The following HERC1 variants were observed in gnomAD, a reference collection of about 807,000 sequenced individuals.
HERC1 encodes the protein HECT and RLD domain containing E3 ubiquitin protein ligase family member 1.
Under a neutral mutation model 554.3 loss-of-function variants are expected in HERC1, and 160 were observed. The observed-to-expected ratio is 0.29, with a 90% CI of 0.25 to 0.33. The LOEUF (loss-of-function observed/expected upper bound fraction) is 0.33, where lower values mean the gene tolerates loss of function less well. Ranked by LOEUF, HERC1 falls within the 10% of genes least tolerant of loss-of-function variation. HERC1 has a pLI of 1.00. For synonymous variants in HERC1, 2,175 were observed against 2,131.7 expected (o/e 1.02, Z -0.56); for missense variants, 4,919 against 5,918.5 (o/e 0.83, Z 5.54).
chr15:63,830,158 C>A (rs1374639706), intron 1 of HERC1, among the ~76,000 whole-genome samples: 2 of 152,022 alleles, frequency 1.3e-5, no homozygotes, highest in African/African-American at 4.8e-5. Flanking sequence ...AAAGTGTCTC[C>A]CCCAAGATAT....
chr15:63,689,720 G>T lies in HERC1; in HGVS notation c.5938-21C>A, dbSNP rs1036332096. The T allele has an allele frequency of 1.1e-5, 16 of 1,398,668 alleles. No individual in the cohort carries two copies. The African/African-American group carries it at 1.5e-4, about 13-fold the overall frequency. 86.6% of individuals were successfully genotyped at this position (1,398,668 alleles called of 1,614,324 possible). On this transcript the variant is annotated intron_variant, in intron 32 of 77. Coordinates refer to ENST00000443617, the MANE Select transcript of HERC1 (RefSeq NM_003922.4). ...ACAATCTGTTTTATTGAAGAAAAAA[G>T]GATAAAATTTGTAAAAAGTAACTTT...
chr15:63,815,647 C>T (rs1203741760), intron 1 of HERC1, among the ~76,000 whole-genome samples: 1 of 152,168 alleles, frequency 6.6e-6, no homozygotes, highest in Non-Finnish European at 1.5e-5. Flanking sequence ...AAAAGTTTCT[C>T]CATATCACTG....
At chr15:63,819,746 C>CTTACCAGAAACATTAACATTACTACCAT (rs2077621518) in intron 1 of HERC1, among the ~76,000 whole-genome samples, 1 of 152,170 alleles carries the variant, frequency 6.6e-6, no homozygotes, top group South Asian at 2.1e-4. Context: ...ATGGGGTTTT[C>CTTACCAGAAACATTAACATTACTACCAT]TATCAGCCAA....
At chr15:63,744,164 G>GTGTGTGTGTCTCTCTCTCTCTCTCTCTC in intron 12 of HERC1, among the ~76,000 whole-genome samples, 48 of 46,248 alleles carry the variant, frequency 1.0e-3, no homozygotes, top group Non-Finnish European at 1.7e-3. Context: ...GTGTGTGTGT[G>GTGTGTGTGTCTCTCTCTCTCTCTCTCTC]TCTCTCTCTC....
chr15:63,673,279 A>G (rs1353675084), intron 38 of HERC1, among the ~76,000 whole-genome samples: 1 of 152,232 alleles, frequency 6.6e-6, no homozygotes, highest in East Asian at 1.9e-4. Flanking sequence ...GTTGCTACAA[A>G]GACAAGTAAT....
intron 1 of HERC1, among the ~76,000 whole-genome samples, chr15:63,827,311 A>G (rs1311229182): frequency 6.6e-6 from 1 of 152,084 alleles, no homozygotes; most frequent in Non-Finnish European, 1.5e-5. Flanking sequence ...AGTCCCAGCT[A>G]CTTGGGTGGC....
Position 63,622,911 on chromosome 15 carries a change from A to AT in HERC1, c.13612-21dup, listed in dbSNP as rs780609796. 2 of 1,542,154 alleles carry AT rather than the reference A, an allele frequency of 1.3e-6. No homozygotes were observed. The highest frequency in any genetic ancestry group is 4.0e-5 in the Admixed American group (2 of 49,892). On this transcript the variant is annotated intron_variant, in intron 73 of 77. Coordinates refer to ENST00000443617, the MANE Select transcript of HERC1 (RefSeq NM_003922.4). Reference sequence around the variant, plus strand: ...AAGTTCCTGCAGAAGAAAGAAAAAAATTTTTTGAGAAATGACAATCAAATG... The same window carrying AT: ...AAGTTCCTGCAGAAGAAAGAAAAAAATTTTTTTGAGAAATGACAATCAAATG...
intron 25 of HERC1, 64 bp from the exon 26 acceptor site, chr15:63,699,060 G>C: frequency 1.4e-6 from 2 of 1,424,164 alleles, no homozygotes; most frequent in Non-Finnish European, 1.9e-6. Flanking sequence ...TCTGAAACTA[G>C]ATAAGGCTGA....
At chr15:63,799,500 T>TG (rs1555448552) in intron 1 of HERC1, among the ~76,000 whole-genome samples, 2 of 138,892 alleles carry the variant, frequency 1.4e-5, no homozygotes, top group African/African-American at 5.3e-5. Flanking sequence ...ACTCTGCCTC[T>TG]AAAAAAAAAA....
rs1161987137 is a variant in HERC1, at chr15:63,773,545, TTTTTA to T, written c.930+1144_930+1148del. On this transcript the variant is annotated intron_variant, in intron 2 of 77. Transcript: ENST00000443617. ...ATATTTTAAATTTGTATTTTATTTT[TTTTTA>T]TTTTATTTTATTTTTGAGACAGATT... 1.6e-3 allele frequency among the ~76,000 whole-genome samples: 249 copies of T among 152,088 alleles called. 1 individual carries two copies. The Middle Eastern group carries it at 0.017, about 10-fold the overall frequency.
chr15:63,630,998 G>A (rs1252868673), intron 68 of HERC1, among the ~76,000 whole-genome samples: 1 of 152,164 alleles, frequency 6.6e-6, no homozygotes, highest in Non-Finnish European at 1.5e-5. Flanking sequence ...TTTTGAGACA[G>A]GGTCTCGCTC....
At chr15:63,781,136 CACAA>C (rs898781633) in intron 1 of HERC1, among the ~76,000 whole-genome samples, 2 of 151,984 alleles carry the variant, frequency 1.3e-5, no homozygotes, top group Non-Finnish European at 2.9e-5. Flanking sequence ...ATAAAACTGT[CACAA>C]ACAGTTTTAT....
chr15:63,639,301 A>C (rs1356673968), intron 61 of HERC1, among the ~76,000 whole-genome samples: 1 of 152,246 alleles, frequency 6.6e-6, no homozygotes, highest in East Asian at 1.9e-4. Flanking sequence ...CTATGTTTAC[A>C]TACACAAATA....
chr15:63,749,251 T>C lies in HERC1; in HGVS notation c.2219+116A>G. 1.3e-6 allele frequency: 1 copy of C among 793,896 alleles called. No homozygotes were observed. The highest frequency in any genetic ancestry group is 2.0e-6 in the Non-Finnish European group (1 of 497,392). 49.2% of individuals were successfully genotyped at this position (793,896 alleles called of 1,614,324 possible). ...TAGAGAAAAAGCAATACTATATATGTTCAGAAGAGTATTTTATGAACAAAG... is the reference window on the plus strand; with the variant it reads ...TAGAGAAAAAGCAATACTATATATGCTCAGAAGAGTATTTTATGAACAAAG... On this transcript the variant is annotated intron_variant, in intron 10 of 77. Transcript: ENST00000443617. This position sits in a 1 kb window ranked among gnomAD's most constrained non-coding sequence, Gnocchi z 4.1.
In HERC1 at chr15:63,820,997, C is replaced by T. The variant is rs1484466621; in HGVS notation, c.-27+12830G>A. ...TTTTGTTTTCACATATTACTTAGCA[C>T]ACTCGATGAACAATTATATGCTCTT... On this transcript the variant is annotated intron_variant, in intron 1 of 77. Coordinates refer to ENST00000443617, the MANE Select transcript of HERC1 (RefSeq NM_003922.4). Among the ~76,000 whole-genome samples the T allele has an allele frequency of 2.0e-5, 3 of 152,214 alleles. No homozygotes were observed. The East Asian group carries it at 5.8e-4, about 29-fold the overall frequency.
intron 34 of HERC1, among the ~76,000 whole-genome samples, chr15:63,683,845 C>T (rs1179374897): frequency 6.6e-6 from 1 of 152,206 alleles, no homozygotes; most frequent in Non-Finnish European, 1.5e-5. Flanking sequence ...CCCCAAAAAG[C>T]TGCTGGCTTG....
intron 25 of HERC1, among the ~76,000 whole-genome samples, chr15:63,701,439 G>A (rs1486881944): frequency 6.6e-6 from 1 of 152,176 alleles, no homozygotes; most frequent in Non-Finnish European, 1.5e-5. Flanking sequence ...TAAAGCAGGG[G>A]TTGGCAAACT....
intron 24 of HERC1, among the ~76,000 whole-genome samples, chr15:63,708,004 C>T (rs1323394145): frequency 6.6e-6 from 1 of 150,518 alleles, no homozygotes; most frequent in African/African-American, 2.4e-5. Context: ...AAAATCTTTA[C>T]CTGGTCATAT....
At chr15:63,765,102 T>C (rs1298185023) in intron 2 of HERC1, among the ~76,000 whole-genome samples, 2 of 152,230 alleles carry the variant, frequency 1.3e-5, no homozygotes, top group Non-Finnish European at 2.9e-5. Context: ...TAGCTACAGA[T>C]GAAAGGGTGA....
Sources: allele counts gnomAD v4.1 joint callset (sites outside exome capture counted in the v4.1 genomes callset), GRCh38; gene constraint gnomAD v4.1.1; non-coding constraint Gnocchi (gnomAD v3.1); transcripts MANE v1.5; gene names NCBI Gene and HGNC (gene_info 2026-07-23, HGNC 2026-07-21).